The following SPART variants were observed in gnomAD, a reference collection of about 807,000 sequenced individuals.
The protein encoded by SPART is spastic paraplegia 20 (Troyer syndrome).
A neutral mutation model predicts 58.7 loss-of-function variants in SPART; 35 were observed. The ratio of observed to expected loss-of-function variants is 0.60; its 90% CI spans 0.46 to 0.79. The LOEUF is 0.79. Among genes scored for constraint, SPART ranks in the 30% least tolerant of loss-of-function variants. The pLI is 0.00. For missense variants in SPART, 730 were observed against 786.1 expected, an observed-to-expected ratio of 0.93 and a Z score of 0.85; for synonymous variants, 284 against 280.7, an observed-to-expected ratio of 1.01 and a Z score of -0.12.
intron 6 of SPART, among the ~76,000 whole-genome samples, chr13:36,313,433 T>C (rs1371912614): frequency 6.6e-6 from 1 of 152,206 alleles, no homozygotes; most frequent in Non-Finnish European, 1.5e-5. Flanking sequence ...GTGGCCCAAG[T>C]GTACAGTGTT....
chr13:36,317,122 G>C (rs1290989715), intron 5 of SPART, among the ~76,000 whole-genome samples: 3 of 152,130 alleles, frequency 2.0e-5, no homozygotes, highest in Non-Finnish European at 4.4e-5. Context: ...GCCTTCCCTT[G>C]ACCTTTAATC....
At chr13:36,362,126 G>A (rs993533714) in intron 1 of SPART, among the ~76,000 whole-genome samples, 2 of 152,132 alleles carry the variant, frequency 1.3e-5, no homozygotes, top group African/African-American at 4.8e-5. Context: ...TGAGATGGGC[G>A]GATCACCTGA....
chr13:36,307,185 A>ATTACATTAATT (rs1880591534), intron 8 of SPART, among the ~76,000 whole-genome samples: 1 of 152,112 alleles, frequency 6.6e-6, no homozygotes, highest in Non-Finnish European at 1.5e-5. Context: ...CTTTAATTAG[A>ATTACATTAATT]GCTCATTAAG....
chr13:36,339,616 C>T (rs1297385969), intron 1 of SPART, among the ~76,000 whole-genome samples: 1 of 100,556 alleles, frequency 9.9e-6, no homozygotes, highest in Non-Finnish European at 1.8e-5. Context: ...GTTCACAGAG[C>T]ACGACTCCAT....
intron 1 of SPART, chr13:36,360,773 C>G (rs1249803904): frequency 6.5e-6 from 1 of 152,794 alleles, no homozygotes; most frequent in Admixed American, 6.5e-5. Context: ...CCCCTTCCCC[C>G]ACTAAGCTCT....
intron 1 of SPART, among the ~76,000 whole-genome samples, chr13:36,341,633 A>G (rs1415461852): frequency 6.6e-6 from 1 of 151,462 alleles, no homozygotes; most frequent in African/African-American, 2.4e-5. Flanking sequence ...AAACTATTTT[A>G]GCAGCAATCT....
rs1344563898 is a variant in SPART at position 36,346,346 on chromosome 13, C to T, written c.-124G>A. On this transcript the variant is annotated 5_prime_UTR_variant, in exon 1 of 9. Transcript: ENST00000438666. ...GCCGCTGCGCTCGCCGGGGGCCGGT[C>T]CCGAGGTTCCCAAGGCCTCGCGCGC... The T allele has an allele frequency of 1.3e-5, 2 of 152,224 alleles. No homozygotes were observed. The highest frequency in any genetic ancestry group is 4.8e-5 in the African/African-American group (2 of 41,448). The allele number at this position is 152,224 out of a possible 1,614,324, so 9.4% of individuals were successfully genotyped here.
At chr13:36,304,819 T>C (rs985976094) in intron 8 of SPART, among the ~76,000 whole-genome samples, 187 bp from the exon 9 acceptor site, 1 of 152,220 alleles carries the variant, frequency 6.6e-6, no homozygotes, top group Non-Finnish European at 1.5e-5. Context: ...GACAAAGCAG[T>C]ATTTTCTCCT....
At chr13:36,357,420 G>A (rs902812839) in intron 1 of SPART, among the ~76,000 whole-genome samples, 6 of 152,172 alleles carry the variant, frequency 3.9e-5, no homozygotes, top group African/African-American at 1.2e-4. Context: ...TGAAGGTATG[G>A]CCTCCTCGGA....
At chr13:36,335,948 T>G in intron 1 of SPART, 116 bp from the exon 2 acceptor site, 7 of 833,646 alleles carry the variant, frequency 8.4e-6, no homozygotes, top group Admixed American at 3.9e-5. Flanking sequence ...TCTGTTTTGT[T>G]CACTATTATA....
chr13:36,337,619 G>C (rs778643183), intron 1 of SPART, among the ~76,000 whole-genome samples: 12 of 152,120 alleles, frequency 7.9e-5, no homozygotes, highest in African/African-American at 2.9e-4. Context: ...CCCCAGCCAC[G>C]CAGAACTGAG....
At chr13:36,367,811 C>T (rs1016021388) in intron 1 of SPART, among the ~76,000 whole-genome samples, 2 of 152,086 alleles carry the variant, frequency 1.3e-5, no homozygotes, top group Non-Finnish European at 2.9e-5. Context: ...TCTGGCACAG[C>T]GTCCTCTAGT....
intron 4 of SPART, among the ~76,000 whole-genome samples, chr13:36,327,564 A>C (rs1210955351): frequency 6.6e-6 from 1 of 152,234 alleles, no homozygotes; most frequent in East Asian, 1.9e-4. Context: ...ATATACTGTT[A>C]AGTAAAAAAG....
At chr13:36,314,139 C>A in intron 6 of SPART, 88 bp downstream of exon 6, 1 of 1,294,410 alleles carries the variant, frequency 7.7e-7, no homozygotes, top group East Asian at 2.4e-5. Context: ...GAGATTAAAC[C>A]ATCTAAATGA....
At chr13:36,319,443 G>A (rs952128072) in intron 5 of SPART, among the ~76,000 whole-genome samples, 2 of 150,618 alleles carry the variant, frequency 1.3e-5, no homozygotes, top group Admixed American at 6.6e-5. Flanking sequence ...ATCCCATCCC[G>A]CAGCATGCTT....
chr13:36,339,627 CAAAAAAAAA>C (rs71084420), intron 1 of SPART, among the ~76,000 whole-genome samples: 23 of 38,810 alleles, frequency 5.9e-4, no homozygotes, highest in African/African-American at 2.4e-3. Context: ...ACGACTCCAT[CAAAAAAAAA>C]AAAAAAAAAA....
intron 5 of SPART, among the ~76,000 whole-genome samples, chr13:36,315,005 C>A (rs554139198): frequency 7.9e-5 from 12 of 152,212 alleles, no homozygotes; most frequent in Admixed American, 3.3e-4. Flanking sequence ...CACCGTTTAG[C>A]TTGCTACACA....
chr13:36,339,127 A>C (rs1378130225), intron 1 of SPART, among the ~76,000 whole-genome samples: 1 of 152,194 alleles, frequency 6.6e-6, no homozygotes, highest in Non-Finnish European at 1.5e-5. Context: ...CAACATAAAG[A>C]AAAAGAAAAT....
intron 1 of SPART, among the ~76,000 whole-genome samples, chr13:36,359,935 A>AAAC (rs1555266116): frequency 6.6e-6 from 1 of 151,116 alleles, no homozygotes; most frequent in Non-Finnish European, 1.5e-5. Context: ...AAAAAAAAAA[A>AAAC]AAAAAAACAC....
Sources: gnomAD v4.1 joint callset for allele counts (sites outside exome capture counted in the v4.1 genomes callset) on GRCh38, gnomAD v4.1.1 for gene constraint, MANE v1.5 for transcripts, NCBI Gene and HGNC (gene_info 2026-07-23, HGNC 2026-07-21) for gene names.